Variants in CD200 observed in about 807,000 individuals in gnomAD.
CD200 encodes CD200 molecule, also known as OX-2 membrane glycoprotein.
Under a neutral mutation model 30.9 loss-of-function variants are expected in CD200, and 15 were observed. The ratio of observed to expected loss-of-function variants is 0.49; its 90% confidence interval spans 0.32 to 0.75. The LOEUF (loss-of-function observed/expected upper bound fraction) is 0.75. CD200 is among the 30% of genes least tolerant of loss of function. The pLI, the probability that CD200 is intolerant of heterozygous loss-of-function variation, is 0.03. For synonymous variants in CD200, 134 were observed against 126.2 expected (o/e 1.06, Z -0.41); for missense variants, 262 against 324.2 (o/e 0.81, Z 1.47).
In CD200 at chr3:112,345,097, C is replaced by T. The variant is rs1336469669; in HGVS notation, c.230C>T (p.Thr77Ile). The change falls in exon 3 of 6, where the codon ACC becomes ATC. Residue 77 changes from threonine (T) to isoleucine (I), a missense_variant. Transcript: ENST00000315711. ...GCTGTAAGCCCAGAAAACATGGTCACCTTCAGCGAGAACCATGGGGTGGTG... is the reference window on the plus strand; with the variant it reads ...GCTGTAAGCCCAGAAAACATGGTCATCTTCAGCGAGAACCATGGGGTGGTG... ...KKAVSPENMVTFSENHGVVIQ... is the reference protein window; with the variant it reads ...KKAVSPENMVIFSENHGVVIQ... The T allele has an allele frequency of 6.2e-7, 1 of 1,614,058 alleles. No homozygotes were observed.
intron 1 of CD200, chr3:112,333,502 C>G (rs2081044427): frequency 1.0e-6 from 1 of 985,308 alleles, no homozygotes. Context: ...GCCGGGGCTC[C>G]GGGGGCTCTT....
chr3:112,360,284 C>T lies in CD200; in HGVS notation c.803-1259C>T, dbSNP rs115709967. 7.6e-3 allele frequency among the ~76,000 whole-genome samples: 1,148 copies of T among 151,844 alleles called. 13 individuals carry two copies. Among genetic ancestry groups the T allele is most frequent in the African/African-American group, 0.025 (1,051 of 41,378 alleles). On this transcript the variant is annotated intron_variant, in intron 5 of 5. Coordinates refer to ENST00000315711, the MANE Select transcript of CD200 (RefSeq NM_005944.7). Reference sequence around the variant, plus strand: ...TGGAGGTTACAGGGAGCAGAGATTGCGCCACTGCACTCTAGCTTGGTTGAC... The same window carrying T: ...TGGAGGTTACAGGGAGCAGAGATTGTGCCACTGCACTCTAGCTTGGTTGAC...
chr3:112,343,090 A>G (rs1267774041), intron 2 of CD200, among the ~76,000 whole-genome samples: 1 of 152,022 alleles, frequency 6.6e-6, no homozygotes, highest in African/African-American at 2.4e-5. Context: ...ACTTTCTCAA[A>G]AGTTTGGCTA....
chr3:112,333,067 G>A, upstream of CD200: 1 of 1,223,766 alleles, frequency 8.2e-7, no homozygotes, highest in Non-Finnish European at 1.2e-6. Context: ...AGGGCGTGGG[G>A]AAAACGGAGT....
intron 3 of CD200, among the ~76,000 whole-genome samples, chr3:112,345,503 G>T (rs1212747495): frequency 1.3e-5 from 2 of 152,144 alleles, no homozygotes; most frequent in African/African-American, 4.8e-5. Flanking sequence ...TTCTCTGAGG[G>T]ATCCTGCTGT....
chr3:112,343,419 C>T (rs1163750269), intron 2 of CD200, among the ~76,000 whole-genome samples: 2 of 152,062 alleles, frequency 1.3e-5, no homozygotes, highest in Admixed American at 6.5e-5. Context: ...TCTTCCTGTC[C>T]TATGCTCCTG....
At chr3:112,335,963 G>T (rs1365919222) in intron 1 of CD200, 2 of 1,612,080 alleles carry the variant, frequency 1.2e-6, no homozygotes, top group South Asian at 2.2e-5. Flanking sequence ...GGACAATTGG[G>T]GGCCCTCTCC....
At chr3:112,359,492 T>C (rs1343935332) in intron 5 of CD200, among the ~76,000 whole-genome samples, 5 of 152,206 alleles carry the variant, frequency 3.3e-5, no homozygotes, top group African/African-American at 1.2e-4. Context: ...GAGGGTGTTC[T>C]TAAATATTTA....
At chr3:112,348,021 G>A (rs1336854856) in intron 4 of CD200, among the ~76,000 whole-genome samples, 191 bp downstream of exon 4, 3 of 152,158 alleles carry the variant, frequency 2.0e-5, no homozygotes, top group African/African-American at 7.2e-5. Flanking sequence ...TTTCATAAAT[G>A]TGGTTCATTG....
chr3:112,347,964 A>C lies in CD200; in HGVS notation c.694+134A>C, dbSNP rs2108453444. 4.0e-6 allele frequency: 3 copies of C among 754,782 alleles called. No homozygotes were observed. In the South Asian group the frequency reaches 5.9e-5, roughly 15 times the overall value. The allele number at this position is 754,782 out of a possible 1,614,324, so 46.8% of individuals were successfully genotyped here. A position where few individuals can be genotyped will look rare whatever the true frequency, so the allele number is the denominator to read the frequency against. On this transcript the variant is annotated intron_variant, in intron 4 of 5. Coordinates refer to ENST00000315711, the MANE Select transcript of CD200 (RefSeq NM_005944.7). ...AAAGAATGGGGCAAATAAGGAAAAAACAAAACAAAACAAAAAAATTGAAGA... is the reference window on the plus strand; with the variant it reads ...AAAGAATGGGGCAAATAAGGAAAAACCAAAACAAAACAAAAAAATTGAAGA...
intron 1 of CD200, chr3:112,333,773 A>G: frequency 2.0e-6 from 2 of 985,426 alleles, no homozygotes; most frequent in Non-Finnish European, 2.4e-6. Context: ...GGGGGAAGCC[A>G]TGAAGGATCA....
At chr3:112,334,749 A>G (rs200194810) in intron 1 of CD200, among the ~76,000 whole-genome samples, 1 of 81,588 alleles carries the variant, frequency 1.2e-5, no homozygotes, top group Non-Finnish European at 3.4e-5. Context: ...AGACTCGAGG[A>G]AAAAAAAAAC....
chr3:112,341,428 A>G (rs1180963361), intron 2 of CD200, among the ~76,000 whole-genome samples: 1 of 152,198 alleles, frequency 6.6e-6, no homozygotes, highest in Non-Finnish European at 1.5e-5. Context: ...GGCTCATATT[A>G]TCTATTGTAT....
chr3:112,361,623 A>G lies in CD200; in HGVS notation c.*73A>G. On this transcript the variant is annotated 3_prime_UTR_variant, in exon 6 of 6. Transcript: ENST00000315711. ...TGACACAAGAGAAAAGCAGGAGGAA[A>G]AGGGGCCATTCTCCAAAGGACCTGA... 7.4e-7 allele frequency: 1 copy of G among 1,353,178 alleles called. No individual in the cohort carries two copies. The highest frequency in any genetic ancestry group is 1.1e-6 in the Non-Finnish European group (1 of 942,122). The allele number at this position is 1,353,178 out of a possible 1,614,324, so 83.8% of individuals were successfully genotyped here. A position where few individuals can be genotyped will look rare whatever the true frequency, so the allele number is the denominator to read the frequency against.
chr3:112,346,929 C>G (rs931151627), intron 3 of CD200, among the ~76,000 whole-genome samples: 1 of 152,274 alleles, frequency 6.6e-6, no homozygotes, highest in East Asian at 1.9e-4. Context: ...AGTGCTCTTC[C>G]AACAGTCATT....
At position 112,360,326 on chromosome 3, in the gene CD200, TA is replaced by T. The variant is rs72457316; in HGVS notation, c.803-1209del. 5.3e-3 allele frequency among the ~76,000 whole-genome samples: 628 copies of T among 119,180 alleles called. 2 individuals carry two copies. The highest frequency in any genetic ancestry group is 8.5e-3 in the African/African-American group (226 of 26,566). 78.2% of individuals were successfully genotyped at this position (119,180 alleles called of 152,430 possible). A position where few individuals can be genotyped will look rare whatever the true frequency, so the allele number is the denominator to read the frequency against. On this transcript the variant is annotated intron_variant, in intron 5 of 5. Coordinates refer to ENST00000315711, the MANE Select transcript of CD200 (RefSeq NM_005944.7). The stretch of plus-strand genomic sequence containing the variant: ...TTGGTTGACACAGTGAGACTTCATC[TA>T]AAAAAAATATATATATATATGTATA...
chr3:112,332,630 G>GA, upstream of CD200: 3 of 194,752 alleles, frequency 1.5e-5, no homozygotes, highest in Non-Finnish European at 2.1e-5. Flanking sequence ...AAGGAGAAGG[G>GA]AAAAAAGAAT....
chr3:112,361,639 A>C lies in CD200; in HGVS notation c.*89A>C. The C allele has an allele frequency of 8.5e-7, 1 of 1,178,066 alleles. No homozygotes were observed. The highest frequency in any genetic ancestry group is 1.3e-6 in the Non-Finnish European group (1 of 784,062). The allele number at this position is 1,178,066 out of a possible 1,614,324, so 73.0% of individuals were successfully genotyped here. ...CAGGAGGAAAAGGGGCCATTCTCCA[A>C]AGGACCTGAAAGAGCAAAAGAGGTG... is the stretch of plus-strand genomic sequence containing the variant. On this transcript the variant is annotated 3_prime_UTR_variant, in exon 6 of 6. Transcript: ENST00000315711.
intron 1 of CD200, chr3:112,333,483 A>C (rs904547645): frequency 3.0e-6 from 3 of 985,174 alleles, no homozygotes; most frequent in Admixed American, 1.2e-4. Flanking sequence ...TGAAAAAAAG[A>C]TGCACCAGGC....
Sources: gnomAD v4.1 joint callset for allele counts (sites outside exome capture counted in the v4.1 genomes callset) on GRCh38, gnomAD v4.1.1 for gene constraint, MANE v1.5 for transcripts, NCBI Gene and HGNC (gene_info 2026-07-23, HGNC 2026-07-21) for gene names.